NEGR1: variants seen among roughly 807,000 people sequenced by gnomAD.
NEGR1 encodes neuronal growth regulator 1.
NEGR1 carries 10 observed loss-of-function variants against 40.9 expected under a neutral mutation model. The ratio of observed to expected loss-of-function variants is 0.24; its 90% CI spans 0.15 to 0.42. NEGR1 has a LOEUF of 0.42. Among genes scored for constraint, NEGR1 ranks in the 10% least tolerant of loss-of-function variants. The pLI is 1.00. For missense variants in NEGR1, 352 were observed against 438.9 expected (o/e 0.80, Z 1.77); for synonymous variants, 185 against 166.8 (o/e 1.11, Z -0.84).
chr1:71,860,123 C>T (rs112566219), intron 2 of NEGR1, among the ~76,000 whole-genome samples: 11 of 151,678 alleles, frequency 7.3e-5, no homozygotes, highest in African/African-American at 2.7e-4. Context: ...CTTACAAATG[C>T]ACCAAGAAGC....
intron 4 of NEGR1, among the ~76,000 whole-genome samples, chr1:71,667,942 T>C (rs536981352): frequency 6.6e-6 from 1 of 152,324 alleles, no homozygotes; most frequent in Non-Finnish European, 1.5e-5. Flanking sequence ...TAGGTATTGT[T>C]AATACATATG....
At chr1:72,262,896 G>A (rs1408201459) in intron 1 of NEGR1, among the ~76,000 whole-genome samples, 1 of 151,768 alleles carries the variant, frequency 6.6e-6, no homozygotes, top group Non-Finnish European at 1.5e-5. Context: ...AAATATGTAA[G>A]TGTATATTTA....
At chr1:71,733,771 C>T (rs572042882) in intron 3 of NEGR1, among the ~76,000 whole-genome samples, 4 of 152,126 alleles carry the variant, frequency 2.6e-5, no homozygotes, top group African/African-American at 7.2e-5. Flanking sequence ...TAATTGTAGA[C>T]CAAAATAAAA....
chr1:71,793,244 G>A (rs1365622169), intron 2 of NEGR1, among the ~76,000 whole-genome samples: 2 of 141,080 alleles, frequency 1.4e-5, no homozygotes, highest in African/African-American at 5.3e-5. Flanking sequence ...GCAGTGGCAC[G>A]ATCTTGGCTC....
chr1:71,848,388 C>T (rs896443736), intron 2 of NEGR1, among the ~76,000 whole-genome samples: 7 of 152,134 alleles, frequency 4.6e-5, no homozygotes, highest in East Asian at 1.9e-4. Flanking sequence ...ACCTGGCTTC[C>T]GTGCTTCAAA....
intron 4 of NEGR1, among the ~76,000 whole-genome samples, chr1:71,676,118 G>A (rs912542904): frequency 6.6e-6 from 1 of 152,100 alleles, no homozygotes; most frequent in African/African-American, 2.4e-5. Flanking sequence ...TATTTTGTAT[G>A]TAAGTATTTT....
intron 1 of NEGR1, among the ~76,000 whole-genome samples, chr1:72,103,410 A>G (rs1268721747): frequency 6.6e-6 from 1 of 152,132 alleles, no homozygotes; most frequent in African/African-American, 2.4e-5. Context: ...ATGAAGATAC[A>G]ACTTTACATT....
chr1:71,454,581 C>G (rs1367486581), intron 6 of NEGR1, among the ~76,000 whole-genome samples: 1 of 152,110 alleles, frequency 6.6e-6, no homozygotes, highest in East Asian at 1.9e-4. Context: ...ACCTTCCACT[C>G]TTACAATGTG....
intron 4 of NEGR1, among the ~76,000 whole-genome samples, chr1:71,629,399 C>G (rs1285483146): frequency 3.3e-5 from 5 of 152,008 alleles, no homozygotes; most frequent in Non-Finnish European, 7.4e-5. Flanking sequence ...TTTGTGTCTT[C>G]TCTTATTTCC....
intron 1 of NEGR1, among the ~76,000 whole-genome samples, chr1:72,097,535 C>G (rs1254213876): frequency 2.0e-5 from 3 of 152,084 alleles, no homozygotes; most frequent in South Asian, 2.1e-4. Flanking sequence ...AAAAAGAGAT[C>G]TAAAATGGAT....
At chr1:72,130,509 T>G (rs1349581772) in intron 1 of NEGR1, among the ~76,000 whole-genome samples, 1 of 152,154 alleles carries the variant, frequency 6.6e-6, no homozygotes, top group Non-Finnish European at 1.5e-5. Flanking sequence ...AATAAATGCT[T>G]TAAACTGATG....
chr1:71,690,456 T>C (rs1304277480), intron 4 of NEGR1, among the ~76,000 whole-genome samples: 1 of 151,696 alleles, frequency 6.6e-6, no homozygotes, highest in African/African-American at 2.4e-5. Context: ...AAGAGTATAT[T>C]TAGCAAAAGG....
At chr1:71,927,015 T>G (rs1391665125) in intron 2 of NEGR1, among the ~76,000 whole-genome samples, 1 of 152,100 alleles carries the variant, frequency 6.6e-6, no homozygotes, top group African/African-American at 2.4e-5. Context: ...AACAAAAAAA[T>G]GTGTATTCTG....
intron 1 of NEGR1, among the ~76,000 whole-genome samples, chr1:72,271,063 T>C (rs1234657460): frequency 6.6e-6 from 1 of 151,890 alleles, no homozygotes; most frequent in Non-Finnish European, 1.5e-5. Flanking sequence ...CAAGGTCACA[T>C]AGCCAGTAAG....
intron 2 of NEGR1, among the ~76,000 whole-genome samples, chr1:71,887,427 T>A (rs1557689129): frequency 1.3e-5 from 2 of 152,326 alleles, no homozygotes; most frequent in East Asian, 3.9e-4. Context: ...TTACTCTCTG[T>A]CCCAGTCATG....
intron 2 of NEGR1, among the ~76,000 whole-genome samples, chr1:71,833,134 C>CT (rs942961499): frequency 5.3e-5 from 8 of 151,798 alleles, no homozygotes; most frequent in Admixed American, 2.6e-4. Context: ...ATATAGGCTA[C>CT]TTTTTTTTGA....
At chr1:72,168,658 G>A (rs942839023) in intron 1 of NEGR1, among the ~76,000 whole-genome samples, 6 of 152,150 alleles carry the variant, frequency 3.9e-5, no homozygotes, top group Admixed American at 3.3e-4. Flanking sequence ...GGGAAGCCAA[G>A]GCAGGCAGAT....
intron 1 of NEGR1, among the ~76,000 whole-genome samples, chr1:72,117,462 A>G (rs929255042): frequency 6.6e-6 from 1 of 151,800 alleles, no homozygotes; most frequent in African/African-American, 2.4e-5. Context: ...ACTCACACCA[A>G]TTTCTGTGCT....
chr1:71,420,194 AATTTT>A (rs1191007968), intron 6 of NEGR1, among the ~76,000 whole-genome samples: 1 of 152,110 alleles, frequency 6.6e-6, no homozygotes, highest in African/African-American at 2.4e-5. Flanking sequence ...AACATTAGGA[AATTTT>A]TGTCATTTCA....
Sources: allele counts gnomAD v4.1 joint callset (sites outside exome capture counted in the v4.1 genomes callset), GRCh38; gene constraint gnomAD v4.1.1; transcripts MANE v1.5; gene names NCBI Gene and HGNC (gene_info 2026-07-23, HGNC 2026-07-21).